IGF1R: variants seen among roughly 807,000 people sequenced by gnomAD.
The protein encoded by IGF1R is insulin-like growth factor 1 receptor.
In IGF1R, 44 loss-of-function variants were observed where a neutral mutation model predicts 144.6. That is an observed-to-expected ratio of 0.30 (90% confidence interval 0.24 to 0.39). IGF1R has a LOEUF of 0.39. Ranked by LOEUF, IGF1R falls within the 10% of genes least tolerant of loss-of-function variation. The probability of loss-of-function intolerance (pLI) is 1.00; values close to 1 mark genes in which losing one functional copy is unlikely to be tolerated. For synonymous variants in IGF1R, 795 were observed against 722.8 expected (o/e 1.10, Z -1.60); for missense variants, 1,355 against 1,833.7 (o/e 0.74, Z 4.77).
At chr15:98,908,308 G>A (rs1274788692) in intron 5 of IGF1R, among the ~76,000 whole-genome samples, 2 of 152,212 alleles carry the variant, frequency 1.3e-5, no homozygotes, top group African/African-American at 4.8e-5. Flanking sequence ...TTCCGATTGG[G>A]TAGCAGAGCA....
chr15:98,758,283 G>A (rs766100615), intron 2 of IGF1R, among the ~76,000 whole-genome samples: 4 of 150,544 alleles, frequency 2.7e-5, no homozygotes, highest in South Asian at 4.2e-4. Context: ...TCCTCTTCCC[G>A]TCTAGTTCTC....
chr15:98,939,461 C>T (rs976132718), intron 18 of IGF1R, 101 bp downstream of exon 18: 3 of 1,094,452 alleles, frequency 2.7e-6, no homozygotes, highest in Admixed American at 1.7e-5. Context: ...CTAGTGTGTC[C>T]CTTGAGTGCA....
intron 1 of IGF1R, among the ~76,000 whole-genome samples, chr15:98,702,038 T>TG (rs1555433477): frequency 2.7e-5 from 4 of 148,278 alleles, no homozygotes; most frequent in African/African-American, 9.9e-5. Flanking sequence ...ACGCTGTTTT[T>TG]TTTTTTTTTT....
chr15:98,930,263 C>A lies in IGF1R; in HGVS notation c.2914C>A (p.Leu972Met). ...TAACAGCAGGCTGGGGAATGGAGTG[C>A]TGTATGCCTCTGTGAACCCGGAGTA... is the stretch of plus-strand genomic sequence containing the variant. ...RNNSRLGNGV[L>M]YASVNPEYFS... is the part of the protein sequence containing the mutation. Residue 972 changes from leucine (L) to methionine (M), a missense_variant, in exon 15 of 21, where the codon CTG becomes ATG. By Grantham distance (15) the Leu-to-Met change is conservative. Transcript: ENST00000650285. 6.2e-7 allele frequency: 1 copy of A among 1,613,426 alleles called. No individual in the cohort carries two copies.
intron 2 of IGF1R, among the ~76,000 whole-genome samples, chr15:98,801,885 G>T (rs2056371761): frequency 6.6e-6 from 1 of 152,196 alleles, no homozygotes; most frequent in South Asian, 2.1e-4. Context: ...CCAATGGACT[G>T]AGCATCTTAC....
At chr15:98,932,713 T>C (rs918541696) in intron 15 of IGF1R, among the ~76,000 whole-genome samples, 1 of 152,102 alleles carries the variant, frequency 6.6e-6, no homozygotes, top group African/African-American at 2.4e-5. Flanking sequence ...ATACTTACTC[T>C]CCTCTGACAA....
chr15:98,939,407 T>G, intron 18 of IGF1R, 47 bp downstream of exon 18: 1 of 1,594,828 alleles, frequency 6.3e-7, no homozygotes, highest in Non-Finnish European at 8.6e-7. Flanking sequence ...AACTCAGGTG[T>G]TTTGAGGACT....
intron 20 of IGF1R, among the ~76,000 whole-genome samples, chr15:98,952,303 A>AACACACACACACAC (rs143223923): frequency 0.046 from 6,695 of 146,600 alleles, 202 homozygotes; most frequent in Non-Finnish European, 0.062. Flanking sequence ...GTACCCCACC[A>AACACACACACACAC]ACACACACAC....
chr15:98,942,758 C>T (rs897489462), intron 18 of IGF1R, among the ~76,000 whole-genome samples, 165 bp from the exon 19 acceptor site: 2 of 152,212 alleles, frequency 1.3e-5, no homozygotes, highest in Non-Finnish European at 2.9e-5. Context: ...CCCTTACTGT[C>T]TCCACCTTAT....
chr15:98,738,047 T>C (rs946824100), intron 2 of IGF1R, among the ~76,000 whole-genome samples: 21 of 152,242 alleles, frequency 1.4e-4, no homozygotes, highest in Non-Finnish European at 4.4e-5. Flanking sequence ...CGGTTGTTGC[T>C]GCAGGTTTTT....
chr15:98,922,456 A>G (rs1398731618), intron 11 of IGF1R, 25 bp downstream of exon 11: 3 of 1,603,274 alleles, frequency 1.9e-6, no homozygotes, highest in Admixed American at 3.3e-5. Flanking sequence ...AGCTGGCCCC[A>G]TTGCCACCTT....
chr15:98,794,754 A>G (rs546440986), intron 2 of IGF1R, among the ~76,000 whole-genome samples: 1 of 152,362 alleles, frequency 6.6e-6, no homozygotes, highest in East Asian at 1.9e-4. Flanking sequence ...CTTCATCTAC[A>G]GTAGTTTGGG....
At chr15:98,955,079 A>G (rs368107949) in intron 20 of IGF1R, among the ~76,000 whole-genome samples, 41 of 152,270 alleles carry the variant, frequency 2.7e-4, no homozygotes, top group Non-Finnish European at 4.6e-4. Context: ...ATTATTTAGT[A>G]TCTTAGTGCT....
chr15:98,824,059 C>T (rs1472980650), intron 2 of IGF1R: 1 of 152,134 alleles, frequency 6.6e-6, no homozygotes, highest in Non-Finnish European at 1.5e-5. Context: ...ATGTTTGTCG[C>T]ATAGCCAGCA....
At chr15:98,890,081 T>A (rs187502424) in intron 2 of IGF1R, among the ~76,000 whole-genome samples, 8 of 151,134 alleles carry the variant, frequency 5.3e-5, no homozygotes, top group African/African-American at 1.7e-4. Flanking sequence ...CTGATTTCAC[T>A]TTAGCACACG....
At chr15:98,831,267 G>A (rs114927703) in intron 2 of IGF1R, among the ~76,000 whole-genome samples, 2 of 152,216 alleles carry the variant, frequency 1.3e-5, no homozygotes, top group African/African-American at 4.8e-5. Context: ...GGATTTCAAC[G>A]TGTTCTAAAA....
intron 2 of IGF1R, among the ~76,000 whole-genome samples, chr15:98,840,114 C>G (rs546340556): frequency 6.6e-6 from 1 of 152,214 alleles, no homozygotes; most frequent in Non-Finnish European, 1.5e-5. Context: ...ACATTACATT[C>G]TTTTCTGTCC....
rs569315256 is a variant in IGF1R, at chr15:98,952,332, T to A, written c.3722+3624T>A. 1.9e-4 allele frequency among the ~76,000 whole-genome samples: 9 copies of A among 47,306 alleles called. No homozygotes were observed. In the South Asian group the frequency reaches 3.6e-3, roughly 19 times the overall value. 31.0% of individuals were successfully genotyped at this position (47,306 alleles called of 152,430 possible). Reference sequence around the variant, plus strand: ...CACACACACACACACACACACACACTGCCCCTCACAGGTGACCATCTGCTC... The same window carrying A: ...CACACACACACACACACACACACACAGCCCCTCACAGGTGACCATCTGCTC... On this transcript the variant is annotated intron_variant, in intron 20 of 20. Transcript: ENST00000650285.
chr15:98,727,820 C>T (rs946451366), intron 2 of IGF1R, among the ~76,000 whole-genome samples: 7 of 152,124 alleles, frequency 4.6e-5, no homozygotes, highest in African/African-American at 7.2e-5. Context: ...GGGAAACCGC[C>T]GGCCGGCCCT....
Sources: allele counts gnomAD v4.1 joint callset (sites outside exome capture counted in the v4.1 genomes callset), GRCh38; gene constraint gnomAD v4.1.1; transcripts MANE v1.5; gene names NCBI Gene and HGNC (gene_info 2026-07-23, HGNC 2026-07-21).